The following NWD2 variants were observed in gnomAD, a reference collection of about 807,000 sequenced individuals.
NWD2 encodes NACHT and WD repeat domain-containing protein 2.
Under a neutral mutation model 132.7 loss-of-function variants are expected in NWD2, and 37 were observed. The ratio of observed to expected loss-of-function variants is 0.28; its 90% CI spans 0.21 to 0.37. NWD2 has a LOEUF of 0.37. Among genes scored for constraint, NWD2 ranks in the 10% least tolerant of loss-of-function variants. NWD2 has a pLI of 1.00. For synonymous variants in NWD2, 705 were observed against 803.0 expected, an observed-to-expected ratio of 0.88 and a Z score of 2.06; for missense variants, 1,592 against 2,122.4, an observed-to-expected ratio of 0.75 and a Z score of 4.91.
intron 3 of NWD2, among the ~76,000 whole-genome samples, chr4:37,428,314 A>G (rs1712062905): frequency 6.6e-6 from 1 of 152,228 alleles, no homozygotes. Context: ...CTAAAATGCT[A>G]ATCAACAAGA....
intron 1 of NWD2, among the ~76,000 whole-genome samples, chr4:37,310,142 T>C (rs937588714): frequency 2.6e-5 from 4 of 152,232 alleles, no homozygotes; most frequent in African/African-American, 9.6e-5. Flanking sequence ...AATGACAAAA[T>C]GATACTTAAA....
chr4:37,410,212 T>C (rs1026895736), intron 3 of NWD2, among the ~76,000 whole-genome samples: 7 of 151,910 alleles, frequency 4.6e-5, no homozygotes, highest in African/African-American at 1.7e-4. Context: ...GACTGGCAAA[T>C]TGGATAAAGA....
At position 37,445,164 on chromosome 4, in the gene NWD2, C is replaced by G. The variant is rs1712598841; in HGVS notation, c.3176C>G (p.Thr1059Ser). 3.2e-6 allele frequency: 5 copies of G among 1,551,940 alleles called. No homozygotes were observed. The highest frequency in any genetic ancestry group is 3.3e-4 in the Middle Eastern group (2 of 6,016). Residue 1059 changes from threonine (T) to serine (S), a missense_variant, in exon 7 of 7, where the codon ACC becomes AGC. By Grantham distance (58) the Thr-to-Ser change is moderately conservative (BLOSUM62 1). Around this residue, in one of 7 missense-constraint regions of NWD2, gnomAD observed 1,071 missense variants for 1,398.0 expected, o/e 0.77. Transcript: ENST00000309447. This position sits in a 1 kb window ranked among gnomAD's most constrained non-coding sequence, Gnocchi z 4.7. ...GGGACCAAGCATGGAAGCAGCGCCACCTACATCAATGGATTTACACTGTCC... is the reference window on the plus strand; with the variant it reads ...GGGACCAAGCATGGAAGCAGCGCCAGCTACATCAATGGATTTACACTGTCC... Reference protein sequence around the residue: ...IKGTKHGSSATYINGFTLSAN... With the variant: ...IKGTKHGSSASYINGFTLSAN...
At chr4:37,438,256 G>A (rs1400935825) in intron 5 of NWD2, among the ~76,000 whole-genome samples, 19 of 145,088 alleles carry the variant, frequency 1.3e-4, no homozygotes, top group African/African-American at 4.3e-4. Flanking sequence ...GCGAGACTCC[G>A]TCTAAACAAA....
intron 1 of NWD2, among the ~76,000 whole-genome samples, chr4:37,277,593 T>A (rs1235754020): frequency 1.3e-5 from 2 of 152,092 alleles, no homozygotes; most frequent in Admixed American, 1.3e-4. Flanking sequence ...TAAAAAAAAA[T>A]TCAGCTGCCT....
intron 1 of NWD2, among the ~76,000 whole-genome samples, chr4:37,271,349 T>C (rs1482459946): frequency 6.6e-6 from 1 of 151,862 alleles, no homozygotes; most frequent in Non-Finnish European, 1.5e-5. Context: ...CCAAATAATA[T>C]TGAGCCTTTT....
intron 3 of NWD2, among the ~76,000 whole-genome samples, chr4:37,363,857 C>T (rs1178915183): frequency 1.3e-5 from 2 of 152,088 alleles, no homozygotes; most frequent in Non-Finnish European, 2.9e-5. Context: ...GGCGCAGTGG[C>T]TCAGGCCTGT....
rs1156884728 is a variant in NWD2 at position 37,395,584 on chromosome 4, CAAA to C, written c.358-34965_358-34963del. The stretch of plus-strand genomic sequence containing the variant: ...GGGCAACAAGAGCGAAACTCTGTCT[CAAA>C]AAAAAAAAAAAAAAAAAAAAAAGAG... On this transcript the variant is annotated intron_variant, in intron 3 of 6. Transcript: ENST00000309447. Among the ~76,000 whole-genome samples, 15 of 18,284 alleles carry C rather than the reference CAAA, an allele frequency of 8.2e-4. No individual in the cohort carries two copies. In the South Asian group the frequency reaches 0.025, roughly 30 times the overall value. 12.0% of individuals were successfully genotyped at this position (18,284 alleles called of 152,430 possible).
chr4:37,342,590 CACA>C (rs1719549576), intron 2 of NWD2, among the ~76,000 whole-genome samples: 1 of 152,176 alleles, frequency 6.6e-6, no homozygotes, highest in Non-Finnish European at 1.5e-5. Context: ...ATCACAGACA[CACA>C]ACAACTTCCA....
Position 37,448,490 on chromosome 4 carries a change from A to G in NWD2, c.*1273A>G, listed in dbSNP as rs536274623. 4 of 152,328 alleles carry G rather than the reference A, an allele frequency of 2.6e-5. No individual in the cohort carries two copies. The East Asian group carries it at 5.8e-4, about 22-fold the overall frequency. 9.4% of individuals were successfully genotyped at this position (152,328 alleles called of 1,614,324 possible). ...ATTAAATATTTTTTAAAATTAATTCACCTGTTTAAAAGAAAACATTGCATC... is the reference window on the plus strand; with the variant it reads ...ATTAAATATTTTTTAAAATTAATTCGCCTGTTTAAAAGAAAACATTGCATC... On this transcript the variant is annotated 3_prime_UTR_variant, in exon 7 of 7. Coordinates refer to ENST00000309447, the MANE Select transcript of NWD2 (RefSeq NM_001144990.2).
intron 1 of NWD2, among the ~76,000 whole-genome samples, chr4:37,284,053 T>C (rs1718178781): frequency 6.6e-6 from 1 of 152,204 alleles, no homozygotes; most frequent in African/African-American, 2.4e-5. Context: ...TATAGACCAT[T>C]TATCTTAGTC....
At chr4:37,395,163 A>C (rs1448641028) in intron 3 of NWD2, among the ~76,000 whole-genome samples, 2 of 152,036 alleles carry the variant, frequency 1.3e-5, no homozygotes, top group African/African-American at 4.8e-5. Flanking sequence ...GTTGACAGAC[A>C]GATAGTGCCC....
intron 3 of NWD2, among the ~76,000 whole-genome samples, chr4:37,415,729 A>C (rs1711578675): frequency 6.6e-6 from 1 of 150,944 alleles, no homozygotes; most frequent in African/African-American, 2.5e-5. Flanking sequence ...AATAGGCAAA[A>C]GATACTTAAT....
intron 3 of NWD2, among the ~76,000 whole-genome samples, chr4:37,401,985 C>G (rs1720906423): frequency 6.6e-6 from 1 of 152,172 alleles, no homozygotes; most frequent in Non-Finnish European, 1.5e-5. Context: ...ATATTAAGAG[C>G]TGGGACTTTT....
chr4:37,311,662 G>T (rs201586421), intron 1 of NWD2, among the ~76,000 whole-genome samples: 33 of 145,138 alleles, frequency 2.3e-4, no homozygotes, highest in African/African-American at 8.0e-4. Context: ...GTCAATTTTG[G>T]CTTTTGTTGC....
intron 3 of NWD2, among the ~76,000 whole-genome samples, chr4:37,402,493 G>C (rs1359924434): frequency 6.6e-6 from 1 of 152,216 alleles, no homozygotes; most frequent in African/African-American, 2.4e-5. Flanking sequence ...GATAATCACA[G>C]AGGTATTATA....
chr4:37,444,552 T>G lies in NWD2; in HGVS notation c.2564T>G (p.Ile855Ser). ...ACCGATGACCTGCTTTACGGCATCA[T>G]CATGAACTTCAGCTGGCTTTATACC... ...GKTDDLLYGIIMNFSWLYTMI... is the reference protein window; with the variant it reads ...GKTDDLLYGISMNFSWLYTMI... The change falls in exon 7 of 7, where the codon ATC becomes AGC. Residue 855 changes from isoleucine (I) to serine (S), a missense_variant. Around this residue, in one of 7 missense-constraint regions of NWD2, gnomAD observed 1,071 missense variants for 1,398.0 expected, o/e 0.77. Coordinates refer to ENST00000309447, the MANE Select transcript of NWD2 (RefSeq NM_001144990.2). This position sits in a 1 kb window ranked among gnomAD's most constrained non-coding sequence, Gnocchi z 4.8. 6 of 1,551,836 alleles carry G rather than the reference T, an allele frequency of 3.9e-6. No homozygotes were observed. Among genetic ancestry groups the G allele is most frequent in the Non-Finnish European group, 5.2e-6 (6 of 1,147,038 alleles).
intron 3 of NWD2, 99 bp downstream of exon 3, chr4:37,356,581 A>G (rs1719875310): frequency 1.3e-6 from 1 of 749,912 alleles, no homozygotes; most frequent in Non-Finnish European, 2.2e-6. Context: ...ATGAGGGGGA[A>G]AAAGACTTTT....
intron 6 of NWD2, among the ~76,000 whole-genome samples, chr4:37,441,416 T>C (rs1712480997): frequency 6.6e-6 from 1 of 152,234 alleles, no homozygotes; most frequent in Non-Finnish European, 1.5e-5. Context: ...AGGGCCCTTT[T>C]CCTTGTGGAG....
Sources: allele counts gnomAD v4.1 joint callset (sites outside exome capture counted in the v4.1 genomes callset), GRCh38; gene constraint gnomAD v4.1.1; regional missense constraint gnomAD v4.1.1; non-coding constraint Gnocchi (gnomAD v3.1); transcripts MANE v1.5; gene names NCBI Gene and HGNC (gene_info 2026-07-23, HGNC 2026-07-21).